The following NRXN3 variants were observed in gnomAD, a reference collection of about 807,000 sequenced individuals.
NRXN3 encodes the protein neurexin 3, also known as neurexin III.
In NRXN3, 32 loss-of-function variants were observed where a neutral mutation model predicts 137.6. The observed-to-expected ratio is 0.23, with a 90% CI of 0.18 to 0.31. The LOEUF is 0.31. NRXN3 is among the 10% of genes least tolerant of loss of function. NRXN3 has a pLI of 1.00. For synonymous variants in NRXN3, 798 were observed against 784.5 expected (o/e 1.02, Z -0.29); for missense variants, 1,574 against 2,062.5 (o/e 0.76, Z 4.59).
intron 4 of NRXN3, among the ~76,000 whole-genome samples, chr14:78,336,978 T>G (rs993021862): frequency 5.3e-5 from 8 of 152,214 alleles, no homozygotes; most frequent in Admixed American, 2.0e-4. Context: ...GCACAGGTCC[T>G]CTCTGATTTT....
chr14:78,792,204 GAA>G lies in NRXN3; in HGVS notation c.2045-11405_2045-11404del, dbSNP rs71131660. On this transcript the variant is annotated intron_variant, in intron 8 of 20. Transcript: ENST00000335750. ...TGAATTCATGTCACAAGAACTCAAA[GAA>G]AAAAAAAAAACAAATTATCTGAAAG... 5.0e-3 allele frequency among the ~76,000 whole-genome samples: 551 copies of G among 109,220 alleles called. 4 individuals carry two copies. The highest frequency in any genetic ancestry group is 0.017 in the African/African-American group (478 of 27,356). 71.7% of individuals were successfully genotyped at this position (109,220 alleles called of 152,430 possible). A position where few individuals can be genotyped will look rare whatever the true frequency, so the allele number is the denominator to read the frequency against.
intron 1 of NRXN3, among the ~76,000 whole-genome samples, chr14:78,233,544 A>G (rs562004131): frequency 6.6e-6 from 1 of 152,278 alleles, no homozygotes; most frequent in African/African-American, 2.4e-5. Flanking sequence ...CCCCAGTAAC[A>G]GGGAGCCTGC....
At chr14:79,534,031 C>A (rs1260686986) in intron 16 of NRXN3, among the ~76,000 whole-genome samples, 1 of 152,154 alleles carries the variant, frequency 6.6e-6, no homozygotes, top group Non-Finnish European at 1.5e-5. Flanking sequence ...GAATTGGAGA[C>A]TCTTGGATTC....
At chr14:78,383,431 C>G (rs1049840016) in intron 4 of NRXN3, among the ~76,000 whole-genome samples, 4 of 152,098 alleles carry the variant, frequency 2.6e-5, no homozygotes, top group African/African-American at 9.7e-5. Context: ...CAGAGAGATA[C>G]CTGGGGAGTG....
At chr14:79,526,283 G>T (rs902488191) in intron 16 of NRXN3, among the ~76,000 whole-genome samples, 3 of 152,046 alleles carry the variant, frequency 2.0e-5, no homozygotes, top group Non-Finnish European at 4.4e-5. Context: ...GCAACCTCAG[G>T]TGATCTGCCT....
chr14:79,428,925 T>C (rs1430965927), intron 15 of NRXN3, among the ~76,000 whole-genome samples: 1 of 152,214 alleles, frequency 6.6e-6, no homozygotes, highest in Non-Finnish European at 1.5e-5. Context: ...CATTATTCTT[T>C]GTCAATTAAT....
chr14:79,500,743 G>A (rs1851773185), intron 16 of NRXN3, among the ~76,000 whole-genome samples: 1 of 152,128 alleles, frequency 6.6e-6, no homozygotes, highest in Non-Finnish European at 1.5e-5. Context: ...TTGCAGTGAG[G>A]TCAATCAGAT....
intron 10 of NRXN3, among the ~76,000 whole-genome samples, chr14:78,931,474 A>AGGT (rs1363313518): frequency 3.3e-5 from 5 of 152,178 alleles, no homozygotes; most frequent in Non-Finnish European, 7.4e-5. Context: ...TTTAAAAAGT[A>AGGT]GGTGACTTTT....
intron 16 of NRXN3, among the ~76,000 whole-genome samples, chr14:79,585,131 A>G (rs952924608): frequency 1.3e-5 from 2 of 152,178 alleles, no homozygotes; most frequent in African/African-American, 4.8e-5. Flanking sequence ...ATGGCATGAC[A>G]AATGATCTAT....
At chr14:78,514,061 C>T (rs2096160668) in intron 4 of NRXN3, among the ~76,000 whole-genome samples, 1 of 151,976 alleles carries the variant, frequency 6.6e-6, no homozygotes, top group African/African-American at 2.4e-5. Context: ...AGCACTATAC[C>T]TGAGTTTCTG....
chr14:79,453,020 T>C (rs1158277261), intron 15 of NRXN3, among the ~76,000 whole-genome samples: 1 of 152,200 alleles, frequency 6.6e-6, no homozygotes, highest in Non-Finnish European at 1.5e-5. Context: ...ACATTTGGAG[T>C]TGATTTTGAT....
intron 20 of NRXN3, among the ~76,000 whole-genome samples, chr14:79,805,576 A>G (rs1004422058): frequency 1.3e-5 from 2 of 152,162 alleles, no homozygotes; most frequent in Non-Finnish European, 2.9e-5. Flanking sequence ...GACATCAAGA[A>G]AGGATGAACC....
intron 4 of NRXN3, among the ~76,000 whole-genome samples, chr14:78,602,993 C>G (rs1373412411): frequency 6.6e-6 from 1 of 152,172 alleles, no homozygotes; most frequent in Non-Finnish European, 1.5e-5. Flanking sequence ...GACATGGCAG[C>G]AAGTTGGCAA....
chr14:78,996,779 C>T (rs2099531087), intron 15 of NRXN3, among the ~76,000 whole-genome samples: 1 of 152,096 alleles, frequency 6.6e-6, no homozygotes, highest in Non-Finnish European at 1.5e-5. Flanking sequence ...GAAGGCGAGA[C>T]AGATGCAAAA....
chr14:79,571,821 GTAAT>G (rs1490262758), intron 16 of NRXN3, among the ~76,000 whole-genome samples: 19 of 152,088 alleles, frequency 1.2e-4, no homozygotes, highest in Admixed American at 3.3e-4. Flanking sequence ...CTTATAGGAG[GTAAT>G]TAATCCTTAC....
intron 19 of NRXN3, among the ~76,000 whole-genome samples, chr14:79,789,307 G>A (rs771313143): frequency 6.6e-6 from 1 of 152,122 alleles, no homozygotes; most frequent in Non-Finnish European, 1.5e-5. Context: ...ACATTTTAGA[G>A]ATGGCTTTGC....
intron 19 of NRXN3, among the ~76,000 whole-genome samples, chr14:79,722,527 T>C (rs574575930): frequency 6.6e-6 from 1 of 152,284 alleles, no homozygotes; most frequent in South Asian, 2.1e-4. Flanking sequence ...CTGGTTCCTC[T>C]GCTGAGAACC....
intron 14 of NRXN3, among the ~76,000 whole-genome samples, chr14:78,975,253 C>T (rs372492902): frequency 6.2e-4 from 94 of 152,244 alleles, no homozygotes; most frequent in Non-Finnish European, 1.0e-3. Flanking sequence ...CACACTGGAT[C>T]GTGTAGGGTC....
At chr14:79,061,243 G>C (rs1332256210) in intron 15 of NRXN3, among the ~76,000 whole-genome samples, 1 of 152,214 alleles carries the variant, frequency 6.6e-6, no homozygotes, top group Non-Finnish European at 1.5e-5. Context: ...TAGAGGAAGA[G>C]ACACACACTA....
Sources: gnomAD v4.1 joint callset for allele counts (sites outside exome capture counted in the v4.1 genomes callset) on GRCh38, gnomAD v4.1.1 for gene constraint, MANE v1.5 for transcripts, NCBI Gene and HGNC (gene_info 2026-07-23, HGNC 2026-07-21) for gene names.